The following ZMAT5 variants were observed in gnomAD, a reference collection of about 807,000 sequenced individuals.
The protein encoded by ZMAT5 is zinc finger matrin-type protein 5.
Under a neutral mutation model 28.0 loss-of-function variants are expected in ZMAT5, and 23 were observed. That is an observed-to-expected ratio of 0.82 (90% CI 0.59 to 1.16). The LOEUF (loss-of-function observed/expected upper bound fraction) is 1.16. Ranked by LOEUF, ZMAT5 falls within the 50% of genes most tolerant of loss-of-function variation. The pLI, the probability that ZMAT5 is intolerant of heterozygous loss-of-function variation, is 0.00. For synonymous variants in ZMAT5, 76 were observed against 84.1 expected, an observed-to-expected ratio of 0.90 and a Z score of 0.52; for missense variants, 173 against 212.7, an observed-to-expected ratio of 0.81 and a Z score of 1.16.
intron 5 of ZMAT5, among the ~76,000 whole-genome samples, chr22:29,737,302 T>C (rs2067915332): frequency 2.0e-5 from 3 of 152,170 alleles, no homozygotes; most frequent in Admixed American, 2.0e-4. Context: ...CACTCCAGCC[T>C]GGGCAATACA....
At chr22:29,739,190 A>C (rs967570876) in intron 4 of ZMAT5, among the ~76,000 whole-genome samples, 8 of 152,200 alleles carry the variant, frequency 5.3e-5, no homozygotes, top group African/African-American at 1.9e-4. Context: ...TAAGCTGTCC[A>C]ACAAAACCTG....
intron 1 of ZMAT5, among the ~76,000 whole-genome samples, chr22:29,756,533 G>C (rs140133): frequency 0.42 from 63,951 of 151,986 alleles, 14,038 homozygotes; most frequent in East Asian, 0.6. Flanking sequence ...GCAGCGAGGG[G>C]CCCACCCACT....
chr22:29,761,048 G>C (rs1489774074), intron 1 of ZMAT5, among the ~76,000 whole-genome samples: 1 of 143,892 alleles, frequency 6.9e-6, no homozygotes, highest in Admixed American at 7.0e-5. Context: ...GCTGAGGCAG[G>C]CGGATGACAA....
At chr22:29,732,260 C>T (rs77418693) in intron 5 of ZMAT5, among the ~76,000 whole-genome samples, 1,555 of 152,358 alleles carry the variant, frequency 0.01, 24 homozygotes, top group African/African-American at 0.036. Context: ...ACCCCAGCTG[C>T]CTATACAAGA....
At chr22:29,731,546 A>G (rs189948272) in intron 5 of ZMAT5, 192 bp from the exon 6 acceptor site, 16 of 628,962 alleles carry the variant, frequency 2.5e-5, no homozygotes, top group Admixed American at 4.3e-5. Flanking sequence ...ACTGAGCCCA[A>G]GGAAATAGCG....
chr22:29,753,006 C>A (rs2068068258), intron 1 of ZMAT5, among the ~76,000 whole-genome samples: 1 of 152,194 alleles, frequency 6.6e-6, no homozygotes, highest in African/African-American at 2.4e-5. Context: ...CACAGCACCC[C>A]CATCTCACCT....
chr22:29,763,526 C>T (rs981731425), intron 1 of ZMAT5, among the ~76,000 whole-genome samples: 3 of 151,798 alleles, frequency 2.0e-5, no homozygotes. Context: ...TACTTGAACC[C>T]AGGAGGCGGA....
intron 1 of ZMAT5, among the ~76,000 whole-genome samples, chr22:29,755,314 G>GA (rs1306326056): frequency 1.0e-5 from 1 of 99,206 alleles, no homozygotes; most frequent in Non-Finnish European, 1.9e-5. Flanking sequence ...AAGAAAGAAA[G>GA]AAAAAAAGAA....
chr22:29,761,386 G>C (rs1411652011), intron 1 of ZMAT5, among the ~76,000 whole-genome samples: 1 of 151,996 alleles, frequency 6.6e-6, no homozygotes, highest in Non-Finnish European at 1.5e-5. Context: ...AAACCAGCCT[G>C]GGCAACATAG....
intron 5 of ZMAT5, among the ~76,000 whole-genome samples, chr22:29,732,407 T>G (rs557821009): frequency 6.6e-6 from 1 of 152,330 alleles, no homozygotes; most frequent in East Asian, 1.9e-4. Context: ...ACAATGGAAG[T>G]AGCCTTCATG....
At chr22:29,757,031 T>C (rs957501248) in intron 1 of ZMAT5, among the ~76,000 whole-genome samples, 2 of 151,752 alleles carry the variant, frequency 1.3e-5, no homozygotes, top group Non-Finnish European at 2.9e-5. Context: ...AGAGCGAGAC[T>C]ATCTCAAAAA....
At chr22:29,735,266 C>T (rs909222963) in intron 5 of ZMAT5, among the ~76,000 whole-genome samples, 1 of 152,212 alleles carries the variant, frequency 6.6e-6, no homozygotes, top group Non-Finnish European at 1.5e-5. Flanking sequence ...TCCCTTCCCA[C>T]AGCCCCTTTT....
chr22:29,749,088 A>AT (rs1340451496), intron 1 of ZMAT5, among the ~76,000 whole-genome samples: 1 of 148,938 alleles, frequency 6.7e-6, no homozygotes, highest in Non-Finnish European at 1.5e-5. Flanking sequence ...ATAGGGTTTT[A>AT]TTTTTTTGAG....
intron 1 of ZMAT5, among the ~76,000 whole-genome samples, chr22:29,749,358 C>G (rs992489976): frequency 6.6e-6 from 1 of 152,108 alleles, no homozygotes; most frequent in Non-Finnish European, 1.5e-5. Flanking sequence ...CAGGTACGAG[C>G]CACCGCCCCA....
intron 2 of ZMAT5, chr22:29,747,898 G>A (rs1002676110): frequency 6.4e-5 from 13 of 204,334 alleles, no homozygotes. Flanking sequence ...GTCAAGGCAG[G>A]TCTGGCCACG....
At chr22:29,759,362 C>T (rs889760968) in intron 1 of ZMAT5, among the ~76,000 whole-genome samples, 2 of 152,160 alleles carry the variant, frequency 1.3e-5, no homozygotes, top group Admixed American at 1.3e-4. Context: ...CTCTGGACTC[C>T]TCACATCTGG....
chr22:29,745,057 G>C (rs370955573), intron 2 of ZMAT5, among the ~76,000 whole-genome samples: 5 of 152,264 alleles, frequency 3.3e-5, no homozygotes, highest in African/African-American at 1.2e-4. Flanking sequence ...CTGTGTGCCA[G>C]GCACCACGCC....
intron 1 of ZMAT5, among the ~76,000 whole-genome samples, chr22:29,760,529 ACT>A (rs1350933828): frequency 6.6e-6 from 1 of 152,088 alleles, no homozygotes; most frequent in Non-Finnish European, 1.5e-5. Context: ...ACAGAGCAAG[ACT>A]CTGTCTCAAA....
At chr22:29,750,534 G>T (rs2068046799) in intron 1 of ZMAT5, among the ~76,000 whole-genome samples, 1 of 152,192 alleles carries the variant, frequency 6.6e-6, no homozygotes, top group East Asian at 1.9e-4. Context: ...CTCATGGCCA[G>T]CCCTTGGGTC....
Sources: allele counts gnomAD v4.1 joint callset (sites outside exome capture counted in the v4.1 genomes callset), GRCh38; gene constraint gnomAD v4.1.1; transcripts MANE v1.5; gene names NCBI Gene and HGNC (gene_info 2026-07-23, HGNC 2026-07-21).